KPNA1: variants seen among roughly 807,000 people sequenced by gnomAD.
The protein encoded by KPNA1 is importin subunit alpha-5.
KPNA1 carries 10 observed loss-of-function variants against 70.5 expected under a neutral mutation model. The ratio of observed to expected loss-of-function variants is 0.14; its 90% CI spans 0.09 to 0.24. The LOEUF is 0.24. Ranked by LOEUF, KPNA1 falls within the 10% of genes least tolerant of loss-of-function variation. The probability of loss-of-function intolerance (pLI) is 1.00; values close to 1 mark genes in which losing one functional copy is unlikely to be tolerated. For synonymous variants in KPNA1, 192 were observed against 221.9 expected (o/e 0.87, Z 1.20); for missense variants, 397 against 637.9 (o/e 0.62, Z 4.07).
chr3:122,470,843 AC>A (rs1403347720), intron 2 of KPNA1, among the ~76,000 whole-genome samples: 3 of 152,078 alleles, frequency 2.0e-5, no homozygotes, highest in Non-Finnish European at 4.4e-5. Context: ...AAAACTAGAA[AC>A]AAAAAAAAAA....
intron 2 of KPNA1, among the ~76,000 whole-genome samples, chr3:122,488,059 T>C (rs1159948742): frequency 6.6e-6 from 1 of 152,118 alleles, no homozygotes; most frequent in African/African-American, 2.4e-5. Flanking sequence ...AAACTAACTT[T>C]TTAAAGTATG....
chr3:122,499,797 T>C (rs2076805476), intron 1 of KPNA1, among the ~76,000 whole-genome samples: 1 of 152,108 alleles, frequency 6.6e-6, no homozygotes, highest in Admixed American at 6.5e-5. Context: ...TTATATTTTC[T>C]TGTGATGTCT....
chr3:122,437,051 A>C, intron 11 of KPNA1, 119 bp downstream of exon 11: 3 of 970,446 alleles, frequency 3.1e-6, no homozygotes, highest in Non-Finnish European at 3.1e-6. Flanking sequence ...GAGTGCTGGG[A>C]TTACAGGCAG....
In KPNA1 at chr3:122,427,104, T is replaced by G; in HGVS notation, c.1498A>C (p.Ile500Leu). 1 of 1,614,178 alleles carries G rather than the reference T, an allele frequency of 6.2e-7. No homozygotes were observed. The highest frequency in any genetic ancestry group is 8.5e-7 in the Non-Finnish European group (1 of 1,180,002). The change falls in exon 14 of 14, where the codon ATT becomes CTT. Residue 500 changes from isoleucine (I) to leucine (L), a missense_variant. By Grantham distance (5) the Ile-to-Leu change is conservative. Coordinates refer to ENST00000344337, the MANE Select transcript of KPNA1 (RefSeq NM_002264.4). Reference sequence around the variant, plus strand: ...TCTTCGGTCCCGAAGTAATGCTCAATAAGATCAAAGGCCTTTTGGTAGATC... The same window carrying G: ...TCTTCGGTCCCGAAGTAATGCTCAAGAAGATCAAAGGCCTTTTGGTAGATC... ...QEIYQKAFDL[I>L]EHYFGTEDED...
At chr3:122,440,724 T>C (rs535698869) in intron 10 of KPNA1, among the ~76,000 whole-genome samples, 1 of 152,334 alleles carries the variant, frequency 6.6e-6, no homozygotes, top group South Asian at 2.1e-4. Context: ...GTGTCTGAAC[T>C]AAGCCCTGCA....
chr3:122,467,564 ACT>A, intron 2 of KPNA1, 135 bp from the exon 3 acceptor site: 1 of 526,712 alleles, frequency 1.9e-6, no homozygotes, highest in Non-Finnish European at 3.4e-6. Context: ...GTCAGCTTTT[ACT>A]GATGAGTAAC....
At chr3:122,457,934 G>A (rs2076282408) in intron 5 of KPNA1, 1 of 1,155,630 alleles carries the variant, frequency 8.7e-7, no homozygotes, top group Admixed American at 3.3e-5. Flanking sequence ...TGAGTCATCT[G>A]AGCAACTTTC....
intron 2 of KPNA1, among the ~76,000 whole-genome samples, chr3:122,469,473 C>A (rs533463095): frequency 1.3e-5 from 2 of 152,320 alleles, no homozygotes; most frequent in South Asian, 4.1e-4. Context: ...CACTTACACG[C>A]AGACATATAG....
intron 2 of KPNA1, among the ~76,000 whole-genome samples, chr3:122,495,372 G>C (rs1214298355): frequency 6.6e-6 from 1 of 151,306 alleles, no homozygotes; most frequent in East Asian, 1.9e-4. Context: ...AGAAAATTAA[G>C]TGGATACATT....
intron 3 of KPNA1, 124 bp from the exon 4 acceptor site, chr3:122,464,165 T>G (rs1186134277): frequency 2.2e-6 from 1 of 463,082 alleles, no homozygotes; most frequent in African/African-American, 2.0e-5. Flanking sequence ...TACATAAAGG[T>G]AGGACAATCT....
At chr3:122,509,410 T>G (rs530073969) in intron 1 of KPNA1, among the ~76,000 whole-genome samples, 3 of 152,266 alleles carry the variant, frequency 2.0e-5, no homozygotes, top group African/African-American at 7.2e-5. Flanking sequence ...AGGTCTATAA[T>G]AATGTACAAG....
chr3:122,430,247 A>G (rs1560014172), intron 12 of KPNA1, among the ~76,000 whole-genome samples: 1 of 151,992 alleles, frequency 6.6e-6, no homozygotes, highest in South Asian at 2.1e-4. Context: ...CAAAAATTGG[A>G]TATTATCATA....
chr3:122,486,548 T>C (rs1377914205), intron 2 of KPNA1, among the ~76,000 whole-genome samples: 1 of 152,186 alleles, frequency 6.6e-6, no homozygotes, highest in Non-Finnish European at 1.5e-5. Flanking sequence ...AACCAGACTG[T>C]CATAAACCTA....
chr3:122,509,522 C>A (rs2076932855), intron 1 of KPNA1, among the ~76,000 whole-genome samples: 1 of 151,934 alleles, frequency 6.6e-6, no homozygotes, highest in South Asian at 2.1e-4. Context: ...TTACAGAATT[C>A]TACATTAGAC....
intron 4 of KPNA1, 52 bp from the exon 5 acceptor site, chr3:122,461,370 G>C (rs762938053): frequency 4.1e-6 from 5 of 1,222,082 alleles, no homozygotes; most frequent in Non-Finnish European, 6.0e-6. Flanking sequence ...TTCAATGCAA[G>C]AACTTAACAG....
chr3:122,430,287 T>G (rs1267166208), intron 12 of KPNA1, among the ~76,000 whole-genome samples: 1 of 152,214 alleles, frequency 6.6e-6, no homozygotes, highest in Non-Finnish European at 1.5e-5. Flanking sequence ...CTTACATTTA[T>G]GTATAGCTGA....
intron 1 of KPNA1, among the ~76,000 whole-genome samples, chr3:122,512,346 CT>C (rs2076963930): frequency 6.6e-6 from 1 of 152,132 alleles, no homozygotes; most frequent in Non-Finnish European, 1.5e-5. Context: ...TTAATGGCCC[CT>C]TTGGTAAGTA....
chr3:122,485,359 T>C (rs1278946017), intron 2 of KPNA1, among the ~76,000 whole-genome samples: 1 of 151,600 alleles, frequency 6.6e-6, no homozygotes, highest in African/African-American at 2.4e-5. Flanking sequence ...AACAGACCTA[T>C]ACAGATATGG....
chr3:122,443,945 A>T (rs1490756786), intron 9 of KPNA1, among the ~76,000 whole-genome samples: 1 of 152,200 alleles, frequency 6.6e-6, no homozygotes, highest in African/African-American at 2.4e-5. Context: ...AACCGGTCTG[A>T]CTAGAATTCG....
Sources: allele counts gnomAD v4.1 joint callset (sites outside exome capture counted in the v4.1 genomes callset), GRCh38; gene constraint gnomAD v4.1.1; transcripts MANE v1.5; gene names NCBI Gene and HGNC (gene_info 2026-07-23, HGNC 2026-07-21).